ZNF276: variants seen among roughly 807,000 people sequenced by gnomAD.
The protein encoded by ZNF276 is centromere protein Z.
ZNF276 carries 59 observed loss-of-function variants against 63.9 expected under a neutral mutation model. That is an observed-to-expected ratio of 0.92 (90% CI 0.75 to 1.15). The LOEUF (loss-of-function observed/expected upper bound fraction) is 1.15. Among genes scored for constraint, ZNF276 ranks in the 50% most tolerant of loss-of-function variants. The probability of loss-of-function intolerance (pLI) is 0.00; values close to 1 mark genes in which losing one functional copy is unlikely to be tolerated. For synonymous variants in ZNF276, 496 were observed against 348.4 expected (o/e 1.42, Z -4.72); for missense variants, 1,084 against 843.8 (o/e 1.28, Z -3.53).
In ZNF276 at chr16:89,724,286, C is replaced by G. The variant is rs1168499230; in HGVS notation, c.1006+577C>G. 5.3e-5 allele frequency among the ~76,000 whole-genome samples: 8 copies of G among 152,334 alleles called. No individual in the cohort carries two copies. In the East Asian group the frequency reaches 1.5e-3, roughly 29 times the overall value. ...TTTAGGAGGGCCAGGGCCAGTTTCC[C>G]TCCGGCCTCTTGTCCTGTGTGTGCT... On this transcript the variant is annotated intron_variant, in intron 4 of 10. Transcript: ENST00000443381.
chr16:89,734,839 A>G (rs2061798399), intron 9 of ZNF276, among the ~76,000 whole-genome samples: 1 of 152,204 alleles, frequency 6.6e-6, no homozygotes, highest in Non-Finnish European at 1.5e-5. Context: ...AGTTACTTTT[A>G]TAATCCAACA....
rs757550124 is a variant in ZNF276, at chr16:89,739,110, G to T, written c.*864G>T. ...CCGGCTGGGGGGAGCTCCCCTGGAG[G>T]TGGGACTGGCCCTTGCACCTGCCTG... On this transcript the variant is annotated 3_prime_UTR_variant, in exon 11 of 11. Coordinates refer to ENST00000443381, the MANE Select transcript of ZNF276 (RefSeq NM_001113525.2). 1.9e-6 allele frequency: 3 copies of T among 1,614,006 alleles called. 1 individual carries two copies. The highest frequency in any genetic ancestry group is 2.5e-6 in the Non-Finnish European group (3 of 1,179,950).
chr16:89,727,153 G>A (rs2061494568), intron 4 of ZNF276, 126 bp from the exon 5 acceptor site: 1 of 997,604 alleles, frequency 1.0e-6, no homozygotes, highest in Non-Finnish European at 1.6e-6. Flanking sequence ...GCCATGGTGG[G>A]GAGAACTTGA....
chr16:89,739,468 G>C lies in ZNF276; in HGVS notation c.*1222G>C, dbSNP rs1317200201. The C allele has an allele frequency of 6.4e-7, 1 of 1,551,674 alleles. No homozygotes were observed. Among genetic ancestry groups the C allele is most frequent in the South Asian group, 1.2e-5 (1 of 84,244 alleles). On this transcript the variant is annotated 3_prime_UTR_variant, in exon 11 of 11. Coordinates refer to ENST00000443381, the MANE Select transcript of ZNF276 (RefSeq NM_001113525.2). ...TGCCCAGCCCTGACCAGCCCTGTGG[G>C]TGGAGGTACCTGTAAAAAGCGAAAG... is the stretch of plus-strand genomic sequence containing the variant.
chr16:89,720,452 A>C, upstream of ZNF276: 1 of 1,071,398 alleles, frequency 9.3e-7, no homozygotes, highest in East Asian at 6.2e-5. Context: ...CCTGCCCGTC[A>C]CTCGGATTTT....
chr16:89,724,015 G>A (rs1180879884), intron 4 of ZNF276, among the ~76,000 whole-genome samples: 4 of 152,242 alleles, frequency 2.6e-5, no homozygotes, highest in African/African-American at 9.6e-5. Context: ...GGGGACTGAG[G>A]AAGAGGGAAG....
At position 89,723,493 on chromosome 16, in the gene ZNF276, G is replaced by C; in HGVS notation, c.790G>C (p.Asp264His). The C allele has an allele frequency of 6.2e-7, 1 of 1,612,990 alleles. No homozygotes were observed. The highest frequency in any genetic ancestry group is 8.5e-7 in the Non-Finnish European group (1 of 1,180,036). ...TGCGCTGGCAGTCAAGTGGCCATGG[G>C]ACAAAGAGACGGCGCCACGGCTGCC... ...DSALAVKWPW[D>H]KETAPRLPQH... Residue 264 changes from aspartate (D) to histidine (H), a missense_variant, in exon 4 of 11, where the codon GAC (aspartate) becomes CAC (histidine). By Grantham distance (81) the Asp-to-His change is moderately conservative (BLOSUM62 -1). Coordinates refer to ENST00000443381, the MANE Select transcript of ZNF276 (RefSeq NM_001113525.2).
rs745689086 is a variant in ZNF276, at chr16:89,733,870, C to T, written c.1357-51C>T. ...GCTGTCACCTACTGAGGGCTCGTGC[C>T]ATGTGGCCCGGGTGCGGCTCTGAGG... is the stretch of plus-strand genomic sequence containing the variant. On this transcript the variant is annotated intron_variant, in intron 8 of 10. Transcript: ENST00000443381. 43 of 1,574,754 alleles carry T rather than the reference C, an allele frequency of 2.7e-5. No individual in the cohort carries two copies. The Admixed American group carries it at 6.9e-4, about 25-fold the overall frequency.
Position 89,737,844 on chromosome 16 carries a change from T to C in ZNF276, c.1513T>C (p.Phe505Leu). ...NYICDECGQT[F>L]KQRKHLLVHQ... ...TATCTGTGACGAATGTGGACAAACC[T>C]TCAAGCAGCGGAAGCACCTTCTCGT... Residue 505 changes from phenylalanine to leucine, a missense_variant, in exon 10 of 11, where the codon TTC becomes CTC. Physicochemically the swap from Phe to Leu is conservative, Grantham distance 22 (BLOSUM62 0). Coordinates refer to ENST00000443381, the MANE Select transcript of ZNF276 (RefSeq NM_001113525.2). The C allele has an allele frequency of 6.2e-7, 1 of 1,614,202 alleles. No individual in the cohort carries two copies. The highest frequency in any genetic ancestry group is 8.5e-7 in the Non-Finnish European group (1 of 1,180,042).
In ZNF276 at chr16:89,739,966, A is replaced by C. The variant is rs768737273; in HGVS notation, c.*1720A>C. Reference sequence around the variant, plus strand: ...GCCTCTGAAAAGAGCGGCCCTCCGCATTTGTGCCTCAGCAGCGTGTTTCTT... The same window carrying C: ...GCCTCTGAAAAGAGCGGCCCTCCGCCTTTGTGCCTCAGCAGCGTGTTTCTT... On this transcript the variant is annotated 3_prime_UTR_variant, in exon 11 of 11. Transcript: ENST00000443381. 23 of 1,612,596 alleles carry C rather than the reference A, an allele frequency of 1.4e-5. No individual in the cohort carries two copies. Among genetic ancestry groups the C allele is most frequent in the Admixed American group, 3.3e-5 (2 of 59,974 alleles).
intron 9 of ZNF276, among the ~76,000 whole-genome samples, chr16:89,735,075 G>A (rs1324691612): frequency 6.6e-6 from 1 of 151,762 alleles, no homozygotes; most frequent in African/African-American, 2.4e-5. Flanking sequence ...GGAGGTTGCA[G>A]TGAGCCGAGA....
chr16:89,731,340 G>A (rs1212205715), intron 6 of ZNF276, among the ~76,000 whole-genome samples: 9 of 152,160 alleles, frequency 5.9e-5, no homozygotes, highest in African/African-American at 1.2e-4. Flanking sequence ...TGCAACCTCC[G>A]CCTCCCGAGT....
In ZNF276 at chr16:89,722,712, C is replaced by A. The variant is rs778624216; in HGVS notation, c.387C>A (p.Pro129=). 2 of 1,612,378 alleles carry A rather than the reference C, an allele frequency of 1.2e-6. No individual in the cohort carries two copies. Among genetic ancestry groups the A allele is most frequent in the Middle Eastern group, 3.3e-4 (2 of 6,062 alleles). Residue 129 remains proline, a synonymous_variant, in exon 2 of 11, where the codon CCC becomes CCA. Coordinates refer to ENST00000443381, the MANE Select transcript of ZNF276 (RefSeq NM_001113525.2). The stretch of plus-strand genomic sequence containing the variant: ...TTGGTGTGGCTGTCCGCCAGGACCC[C>A]ACCTTGTCTCCGTTTGTCTGCAAGA... ...RLLGVAVRQD[P]TLSPFVCKSC... is the part of the protein sequence containing the mutation.
At chr16:89,729,179 G>A in intron 5 of ZNF276, 56 bp from the exon 6 acceptor site, 1 of 1,470,180 alleles carries the variant, frequency 6.8e-7, no homozygotes, top group Non-Finnish European at 9.5e-7. Context: ...AGGTCGTGTT[G>A]GGTCTGTCAC....
intron 6 of ZNF276, 84 bp from the exon 7 acceptor site, chr16:89,733,218 G>T (rs916259112): frequency 1.6e-6 from 2 of 1,284,452 alleles, no homozygotes; most frequent in Non-Finnish European, 2.2e-6. Flanking sequence ...CTTCAGAAAA[G>T]ACCATTTCTC....
At position 89,738,793 on chromosome 16, in the gene ZNF276, T is replaced by C; in HGVS notation, c.*547T>C. The C allele has an allele frequency of 1.2e-6, 2 of 1,613,342 alleles. No individual in the cohort carries two copies. Among genetic ancestry groups the C allele is most frequent in the Non-Finnish European group, 1.7e-6 (2 of 1,179,688 alleles). On this transcript the variant is annotated 3_prime_UTR_variant, in exon 11 of 11. Transcript: ENST00000443381. ...AGGGGCTCTGGCAGAAATAGTCGAG[T>C]TGTATTGCCAGCCAGGCAGGCACAT... is the stretch of plus-strand genomic sequence containing the variant.
chr16:89,740,891 T>G lies in ZNF276; in HGVS notation c.*2645T>G, dbSNP rs1180855900. Reference sequence around the variant, plus strand: ...GCTGTAAATAAAAACGTGCACTTATTATTACATTAAAATTACCTGTGCTGT... The same window carrying G: ...GCTGTAAATAAAAACGTGCACTTATGATTACATTAAAATTACCTGTGCTGT... On this transcript the variant is annotated 3_prime_UTR_variant, in exon 11 of 11. Transcript: ENST00000443381. 3 of 1,590,614 alleles carry G rather than the reference T, an allele frequency of 1.9e-6. No individual in the cohort carries two copies. Among genetic ancestry groups the G allele is most frequent in the Middle Eastern group, 1.7e-4 (1 of 6,022 alleles).
At position 89,739,025 on chromosome 16, in the gene ZNF276, G is replaced by GCA. The variant is rs1567592361; in HGVS notation, c.*780_*781insAC. On this transcript the variant is annotated 3_prime_UTR_variant, in exon 11 of 11. Transcript: ENST00000443381. The stretch of plus-strand genomic sequence containing the variant: ...AGGTTAGAAGACATACAGAAACAGG[G>GCA]CTGGTGTGTCCCCCATAGTCTGCAT... The GCA allele has an allele frequency of 6.2e-7, 1 of 1,614,118 alleles. No individual in the cohort carries two copies. Among genetic ancestry groups the GCA allele is most frequent in the Admixed American group, 1.7e-5 (1 of 60,030 alleles).
rs374765708 is a variant in ZNF276 at position 89,739,131 on chromosome 16, G to A, written c.*885G>A. 2.5e-6 allele frequency: 4 copies of A among 1,614,022 alleles called. No individual in the cohort carries two copies. The highest frequency in any genetic ancestry group is 3.4e-6 in the Non-Finnish European group (4 of 1,180,042). ...GGAGGTGGGACTGGCCCTTGCACCTGCCTGACCCTTGAGCTCCAGGCTCCT... is the reference window on the plus strand; with the variant it reads ...GGAGGTGGGACTGGCCCTTGCACCTACCTGACCCTTGAGCTCCAGGCTCCT... On this transcript the variant is annotated 3_prime_UTR_variant, in exon 11 of 11. Coordinates refer to ENST00000443381, the MANE Select transcript of ZNF276 (RefSeq NM_001113525.2).
Sources: allele counts gnomAD v4.1 joint callset (sites outside exome capture counted in the v4.1 genomes callset), GRCh38; gene constraint gnomAD v4.1.1; transcripts MANE v1.5; gene names NCBI Gene and HGNC (gene_info 2026-07-23, HGNC 2026-07-21).